Variants in SRGAP3 observed in about 807,000 individuals in gnomAD.
SRGAP3 encodes SLIT-ROBO Rho GTPase activating protein 3, also known as SLIT-ROBO Rho GTPase-activating protein 3.
A neutral mutation model predicts 121.1 loss-of-function variants in SRGAP3; 39 were observed. That is an observed-to-expected ratio of 0.32 (90% CI 0.25 to 0.42). SRGAP3 has a LOEUF of 0.42. Ranked by LOEUF, SRGAP3 falls within the 10% of genes least tolerant of loss-of-function variation. The pLI, the probability that SRGAP3 is intolerant of heterozygous loss-of-function variation, is 1.00. For missense variants in SRGAP3, 1,213 were observed against 1,470.6 expected, an observed-to-expected ratio of 0.82 and a Z score of 2.86; for synonymous variants, 601 against 570.0, an observed-to-expected ratio of 1.05 and a Z score of -0.77.
At chr3:9,349,175 G>A in intron 1 of SRGAP3, 1 of 729,540 alleles carries the variant, frequency 1.4e-6, no homozygotes. Context: ...GGCTGCCCAG[G>A]GTAAGGCCAA....
intron 3 of SRGAP3, among the ~76,000 whole-genome samples, chr3:9,275,407 A>G (rs1340957486): frequency 6.6e-6 from 1 of 152,034 alleles, no homozygotes; most frequent in Non-Finnish European, 1.5e-5. Context: ...CCATCTATCC[A>G]CTGCTCTTCA....
chr3:9,240,469 T>C (rs1470551217), intron 1 of SRGAP3, among the ~76,000 whole-genome samples: 1 of 152,080 alleles, frequency 6.6e-6, no homozygotes, highest in African/African-American at 2.4e-5. Flanking sequence ...CACCAATCCT[T>C]ACCCGGCTAG....
intron 3 of SRGAP3, among the ~76,000 whole-genome samples, chr3:9,088,975 C>T (rs1279268461): frequency 6.6e-6 from 1 of 152,124 alleles, no homozygotes; most frequent in Non-Finnish European, 1.5e-5. Flanking sequence ...TATGACCAGA[C>T]ACTGGTGAGG....
chr3:9,168,710 T>C (rs1423288508), intron 1 of SRGAP3, among the ~76,000 whole-genome samples: 1 of 152,208 alleles, frequency 6.6e-6, no homozygotes, highest in Non-Finnish European at 1.5e-5. Flanking sequence ...AAGTAAGCTG[T>C]TAAGTAACAA....
At chr3:9,313,871 G>A (rs1346852886) in intron 3 of SRGAP3, among the ~76,000 whole-genome samples, 1 of 152,002 alleles carries the variant, frequency 6.6e-6, no homozygotes, top group East Asian at 1.9e-4. Context: ...GCATGCGCCT[G>A]CAGTCCCAGC....
chr3:9,257,940 T>G (rs1954170434), intron 3 of SRGAP3, among the ~76,000 whole-genome samples: 1 of 152,142 alleles, frequency 6.6e-6, no homozygotes, highest in Non-Finnish European at 1.5e-5. Flanking sequence ...CCTGACCTTG[T>G]GATCCACCTG....
rs1418619581 is a variant in SRGAP3 at position 8,984,629 on chromosome 3, G to A, written c.*890C>T. On this transcript the variant is annotated 3_prime_UTR_variant, in exon 22 of 22. Coordinates refer to ENST00000383836, the MANE Select transcript of SRGAP3 (RefSeq NM_014850.4). Reference sequence around the variant, plus strand: ...CCCCCGTCTCTACACACAAACACAAGGATGTGGTAGTCAGGGGTCTTCTCG... The same window carrying A: ...CCCCCGTCTCTACACACAAACACAAAGATGTGGTAGTCAGGGGTCTTCTCG... 4.3e-6 allele frequency: 1 copy of A among 232,564 alleles called. No homozygotes were observed. The highest frequency in any genetic ancestry group is 8.5e-6 in the Non-Finnish European group (1 of 117,644). The allele number at this position is 232,564 out of a possible 1,614,324, so 14.4% of individuals were successfully genotyped here.
In SRGAP3 at chr3:8,994,531, G is replaced by A; in HGVS notation, c.2228-8C>T. 1 of 1,611,744 alleles carries A rather than the reference G, an allele frequency of 6.2e-7. No homozygotes were observed. Among genetic ancestry groups the A allele is most frequent in the Non-Finnish European group, 8.5e-7 (1 of 1,179,572 alleles). On this transcript the variant is annotated splice_region_variant and splice_polypyrimidine_tract_variant and intron_variant, in intron 18 of 21. Coordinates refer to ENST00000383836, the MANE Select transcript of SRGAP3 (RefSeq NM_014850.4). ...CCTCGATCTGCTCCACTTCTGGAAG[G>A]AAATCAAGGGAAAAAGCGTCTCTGA...
chr3:9,267,954 G>A (rs1421809245), intron 3 of SRGAP3, among the ~76,000 whole-genome samples: 1 of 152,188 alleles, frequency 6.6e-6, no homozygotes, highest in Non-Finnish European at 1.5e-5. Flanking sequence ...TGTTAAAAGG[G>A]TTGAAGGGAT....
chr3:9,321,144 T>C (rs557560112), intron 3 of SRGAP3, among the ~76,000 whole-genome samples: 1 of 151,830 alleles, frequency 6.6e-6, no homozygotes, highest in African/African-American at 2.4e-5. Context: ...CACATGTGGG[T>C]GTTCAGACAA....
At chr3:9,269,510 C>G (rs1278534281) in intron 3 of SRGAP3, among the ~76,000 whole-genome samples, 5 of 152,204 alleles carry the variant, frequency 3.3e-5, no homozygotes, top group African/African-American at 1.2e-4. Flanking sequence ...CAAGTGCCAG[C>G]CTTCTGTGTT....
chr3:9,150,092 G>A (rs1397107343), intron 1 of SRGAP3, among the ~76,000 whole-genome samples: 1 of 152,190 alleles, frequency 6.6e-6, no homozygotes, highest in Non-Finnish European at 1.5e-5. Context: ...CACTGGGATA[G>A]GGCAAGTGCA....
At chr3:9,111,677 G>A (rs1425615369) in intron 2 of SRGAP3, among the ~76,000 whole-genome samples, 1 of 152,158 alleles carries the variant, frequency 6.6e-6, no homozygotes, top group Non-Finnish European at 1.5e-5. Flanking sequence ...CCCTGTTCCT[G>A]GGGTTGTTTG....
chr3:9,026,464 C>T (rs187452312), intron 13 of SRGAP3, among the ~76,000 whole-genome samples: 1 of 152,168 alleles, frequency 6.6e-6, no homozygotes, highest in East Asian at 1.9e-4. Context: ...GGATAAGCAC[C>T]AGTTATGTTC....
chr3:9,107,271 C>T (rs1452993315), intron 2 of SRGAP3, among the ~76,000 whole-genome samples: 2 of 152,220 alleles, frequency 1.3e-5, no homozygotes, highest in African/African-American at 2.4e-5. Flanking sequence ...GTGATGCACA[C>T]TCTGCCTTGG....
chr3:9,159,616 T>C (rs1238684986), intron 1 of SRGAP3, among the ~76,000 whole-genome samples: 1 of 151,846 alleles, frequency 6.6e-6, no homozygotes, highest in Non-Finnish European at 1.5e-5. Flanking sequence ...GACACACAGT[T>C]TACCCATATA....
At chr3:9,045,344 T>C (rs1386224282) in intron 10 of SRGAP3, among the ~76,000 whole-genome samples, 1 of 152,144 alleles carries the variant, frequency 6.6e-6, no homozygotes, top group Non-Finnish European at 1.5e-5. Flanking sequence ...GCTGCCCCTC[T>C]ACTTCTGAAA....
chr3:9,151,940 G>T (rs1003030996), intron 1 of SRGAP3, among the ~76,000 whole-genome samples: 2 of 152,230 alleles, frequency 1.3e-5, no homozygotes, highest in African/African-American at 4.8e-5. Flanking sequence ...GATAGAACCG[G>T]GTTCCTGGGC....
chr3:9,216,881 A>T (rs970625033), intron 1 of SRGAP3: 3 of 152,252 alleles, frequency 2.0e-5, no homozygotes, highest in Non-Finnish European at 4.4e-5. Context: ...ATGAACCCTG[A>T]AGCATTACGC....
Sources: allele counts gnomAD v4.1 joint callset (sites outside exome capture counted in the v4.1 genomes callset), GRCh38; gene constraint gnomAD v4.1.1; transcripts MANE v1.5; gene names NCBI Gene and HGNC (gene_info 2026-07-23, HGNC 2026-07-21).